Variants in CAMK1D observed in about 807,000 individuals in gnomAD.
The protein encoded by CAMK1D is calcium/calmodulin dependent protein kinase ID.
CAMK1D carries 9 observed loss-of-function variants against 47.7 expected under a neutral mutation model. The ratio of observed to expected loss-of-function variants is 0.19; its 90% confidence interval spans 0.11 to 0.33. The LOEUF is 0.33. CAMK1D is among the 10% of genes least tolerant of loss of function. CAMK1D has a pLI of 1.00. For synonymous variants in CAMK1D, 184 were observed against 184.9 expected (o/e 0.99, Z 0.04); for missense variants, 291 against 488.7 (o/e 0.60, Z 3.81).
chr10:12,484,122 C>T lies in CAMK1D; in HGVS notation c.93-69103C>T, dbSNP rs759718329. On this transcript the variant is annotated intron_variant, in intron 1 of 10. Transcript: ENST00000619168. Reference sequence around the variant, plus strand: ...GGGTGGCGTTCCAAATGCTTCACTGCGCGCATCCAAGTGTCTGTCACCCAT... The same window carrying T: ...GGGTGGCGTTCCAAATGCTTCACTGTGCGCATCCAAGTGTCTGTCACCCAT... Among the ~76,000 whole-genome samples the T allele has an allele frequency of 4.6e-5, 7 of 152,168 alleles. No individual in the cohort carries two copies. The South Asian group carries it at 8.3e-4, about 18-fold the overall frequency.
chr10:12,834,969 G>A lies in CAMK1D; in HGVS notation c.*6082G>A, dbSNP rs1033607329. 1 of 152,180 alleles carries A rather than the reference G, an allele frequency of 6.6e-6. No homozygotes were observed. Among genetic ancestry groups the A allele is most frequent in the Non-Finnish European group, 1.5e-5 (1 of 68,040 alleles). 9.4% of individuals were successfully genotyped at this position (152,180 alleles called of 1,614,324 possible). The stretch of plus-strand genomic sequence containing the variant: ...TGACACCTGCCACTCTCCTTCCCGG[G>A]GCACTTGGCCCTATCAGAGGGACAT... On this transcript the variant is annotated 3_prime_UTR_variant, in exon 11 of 11. Transcript: ENST00000619168.
At chr10:12,395,365 G>T (rs1392989553) in intron 1 of CAMK1D, among the ~76,000 whole-genome samples, 2 of 151,968 alleles carry the variant, frequency 1.3e-5, no homozygotes, top group Admixed American at 6.6e-5. Context: ...CTCTAATCCT[G>T]CCTTGGTTTT....
At chr10:12,656,987 G>A (rs540451266) in intron 2 of CAMK1D, among the ~76,000 whole-genome samples, 5 of 152,332 alleles carry the variant, frequency 3.3e-5, no homozygotes, top group East Asian at 1.9e-4. Flanking sequence ...GCAGTTAGAT[G>A]TATCAGAGCT....
intron 2 of CAMK1D, among the ~76,000 whole-genome samples, chr10:12,622,844 G>A (rs1359769865): frequency 6.6e-6 from 1 of 152,036 alleles, no homozygotes; most frequent in Admixed American, 6.5e-5. Flanking sequence ...AGGGGAGGAT[G>A]TAGGAGTGAG....
chr10:12,681,484 G>A lies in CAMK1D; in HGVS notation c.299+14674G>A, dbSNP rs779162342. 2.6e-5 allele frequency among the ~76,000 whole-genome samples: 4 copies of A among 152,262 alleles called. No homozygotes were observed. The South Asian group carries it at 6.2e-4, about 24-fold the overall frequency. ...TCCTGCAGCAGGGCTGCTGGGTCCC[G>A]TGGAGGAAACCACATTGTCGGATGA... is the stretch of plus-strand genomic sequence containing the variant. On this transcript the variant is annotated intron_variant, in intron 3 of 10. Coordinates refer to ENST00000619168, the MANE Select transcript of CAMK1D (RefSeq NM_153498.4).
chr10:12,688,812 T>C (rs1446012515), intron 3 of CAMK1D, among the ~76,000 whole-genome samples: 1 of 152,084 alleles, frequency 6.6e-6, no homozygotes, highest in Non-Finnish European at 1.5e-5. Context: ...ACCCCCTGAG[T>C]AGTTGAGATT....
chr10:12,599,236 C>G (rs2399874), intron 2 of CAMK1D, among the ~76,000 whole-genome samples: 115,899 of 152,108 alleles, frequency 0.76, 44,371 homozygotes, highest in East Asian at 0.9. Context: ...AAGGTTTTGG[C>G]TTAAAGAATT....
chr10:12,472,773 C>T (rs539449619), intron 1 of CAMK1D, among the ~76,000 whole-genome samples: 5 of 152,306 alleles, frequency 3.3e-5, no homozygotes, highest in South Asian at 4.1e-4. Flanking sequence ...CCACCCGCCT[C>T]GGCCTCCCAA....
chr10:12,828,774 G>C lies in CAMK1D; in HGVS notation c.1045G>C (p.Ala349Pro). ...ACTTCTGCTGTTCCCTGCAGGTCTG[G>C]CACCTTCCACGCTCTGTAGTTTCAT... The part of the protein sequence containing the change: ...LSLASQKDCL[A>P]PSTLCSFISS... Residue 349 changes from alanine to proline, a missense_variant, in exon 11 of 11, where the codon GCA becomes CCA. This residue lies in a region of CAMK1D where 72 missense variants were observed against 64.4 expected (regional missense o/e 1.12). Transcript: ENST00000619168. 6.2e-7 allele frequency: 1 copy of C among 1,613,200 alleles called. No individual in the cohort carries two copies. The highest frequency in any genetic ancestry group is 8.5e-7 in the Non-Finnish European group (1 of 1,179,458).
chr10:12,791,891 A>G (rs1837995923), intron 6 of CAMK1D, among the ~76,000 whole-genome samples: 1 of 152,186 alleles, frequency 6.6e-6, no homozygotes. Context: ...AGTAGCCACC[A>G]TGCAGTTTTC....
chr10:12,459,420 C>T (rs1484096393), intron 1 of CAMK1D, among the ~76,000 whole-genome samples: 1 of 152,046 alleles, frequency 6.6e-6, no homozygotes, highest in African/African-American at 2.4e-5. Flanking sequence ...GGTGATGAGA[C>T]ATTACTGTGA....
chr10:12,554,638 G>A (rs73583365), intron 2 of CAMK1D, among the ~76,000 whole-genome samples: 1 of 152,062 alleles, frequency 6.6e-6, no homozygotes, highest in African/African-American at 2.4e-5. Context: ...TTGAGCTCAA[G>A]TGATCTTCCC....
At chr10:12,546,131 G>T (rs1351241701) in intron 1 of CAMK1D, among the ~76,000 whole-genome samples, 1 of 152,158 alleles carries the variant, frequency 6.6e-6, no homozygotes, top group East Asian at 1.9e-4. Context: ...ATTTAAGTAG[G>T]GTAATGACAT....
intron 2 of CAMK1D, among the ~76,000 whole-genome samples, chr10:12,634,658 T>C (rs1839464351): frequency 1.3e-5 from 2 of 152,170 alleles, no homozygotes; most frequent in Admixed American, 1.3e-4. Context: ...TGGCTGACCT[T>C]CCACTCCCGG....
chr10:12,419,409 C>T (rs1471440418), intron 1 of CAMK1D, among the ~76,000 whole-genome samples: 1 of 152,130 alleles, frequency 6.6e-6, no homozygotes, highest in Non-Finnish European at 1.5e-5. Flanking sequence ...TGGGTAGCAA[C>T]ATTTTCCAAG....
At chr10:12,698,819 C>T (rs990688765) in intron 3 of CAMK1D, among the ~76,000 whole-genome samples, 5 of 151,692 alleles carry the variant, frequency 3.3e-5, no homozygotes, top group South Asian at 2.1e-4. Flanking sequence ...ACTACAGGTA[C>T]GTGCCACCAC....
intron 3 of CAMK1D, among the ~76,000 whole-genome samples, chr10:12,705,020 C>CA (rs936690650): frequency 2.0e-5 from 3 of 152,116 alleles, no homozygotes; most frequent in Non-Finnish European, 2.9e-5. Context: ...GATCAGGGAT[C>CA]AGTTAAGTTA....
chr10:12,460,293 C>T (rs1833385447), intron 1 of CAMK1D, among the ~76,000 whole-genome samples: 1 of 149,616 alleles, frequency 6.7e-6, no homozygotes, highest in Non-Finnish European at 1.5e-5. Flanking sequence ...TGGGGTTCCA[C>T]TTTCTTGCCC....
At chr10:12,383,270 T>TG (rs1838394702) in intron 1 of CAMK1D, among the ~76,000 whole-genome samples, 1 of 152,188 alleles carries the variant, frequency 6.6e-6, no homozygotes, top group African/African-American at 2.4e-5. Context: ...AATTTTTTTT[T>TG]TTGTTGTTGT....
Sources: allele counts gnomAD v4.1 joint callset (sites outside exome capture counted in the v4.1 genomes callset), GRCh38; gene constraint gnomAD v4.1.1; regional missense constraint gnomAD v4.1.1; transcripts MANE v1.5; gene names NCBI Gene and HGNC (gene_info 2026-07-23, HGNC 2026-07-21).